Variants in MBTD1 observed in about 807,000 individuals in gnomAD.
MBTD1 encodes the protein MBT domain-containing protein 1.
MBTD1 carries 24 observed loss-of-function variants against 87.8 expected under a neutral mutation model. The observed-to-expected ratio is 0.27, with a 90% CI of 0.20 to 0.38. MBTD1 has a LOEUF of 0.38. Among genes scored for constraint, MBTD1 ranks in the 10% least tolerant of loss-of-function variants. The pLI is 1.00. For synonymous variants in MBTD1, 237 were observed against 248.6 expected (o/e 0.95, Z 0.44); for missense variants, 436 against 760.2 (o/e 0.57, Z 5.02).
rs1309611326 is a variant in MBTD1 at position 51,217,208 on chromosome 17, A to C, written c.486+126T>G. 8.8e-6 allele frequency: 5 copies of C among 565,230 alleles called. No individual in the cohort carries two copies. The Admixed American group carries it at 1.2e-4, about 13-fold the overall frequency. The allele number at this position is 565,230 out of a possible 1,614,324, so 35.0% of individuals were successfully genotyped here. The stretch of plus-strand genomic sequence containing the variant: ...CTATTATTAAGTATAATAATAAAAG[A>C]AGCATTTCAGTTACAAGACATAAAA... On this transcript the variant is annotated intron_variant, in intron 6 of 16. Coordinates refer to ENST00000586178, the MANE Select transcript of MBTD1 (RefSeq NM_017643.3).
chr17:51,179,488 A>ATATATATATATATATATATATTTATATT lies in MBTD1; in HGVS notation c.*1087_*1088insAATATAAATATATATATATATATATATA, dbSNP rs2050207626. The ATATATATATATATATATATATTTATATT allele has an allele frequency of 1.6e-4, 3 of 18,464 alleles. No homozygotes were observed. Among genetic ancestry groups the ATATATATATATATATATATATTTATATT allele is most frequent in the South Asian group, 2.2e-3 (1 of 464 alleles). 1.1% of individuals were successfully genotyped at this position (18,464 alleles called of 1,614,324 possible). A position where few individuals can be genotyped will look rare whatever the true frequency, so the allele number is the denominator to read the frequency against. On this transcript the variant is annotated 3_prime_UTR_variant, in exon 17 of 17. Coordinates refer to ENST00000586178, the MANE Select transcript of MBTD1 (RefSeq NM_017643.3). ...TGAATACAATTAAAGACAATTTTAT[A>ATATATATATATATATATATATTTATATT]TATATATATATATATATATATATAT...
intron 6 of MBTD1, among the ~76,000 whole-genome samples, chr17:51,208,419 G>T (rs868744821): frequency 1.3e-5 from 2 of 152,132 alleles, no homozygotes; most frequent in Admixed American, 6.5e-5. Context: ...TGAAAGACTG[G>T]ACTCTTCAGG....
intron 16 of MBTD1, chr17:51,183,715 AATG>A (rs1304060673): frequency 6.6e-6 from 1 of 152,218 alleles, no homozygotes; most frequent in Non-Finnish European, 1.5e-5. Context: ...TTTTATGAGG[AATG>A]ATATCAAATG....
In MBTD1 at chr17:51,197,099, T is replaced by G. The variant is rs1332922886; in HGVS notation, c.1225-1738A>C. On this transcript the variant is annotated intron_variant, in intron 12 of 16. Transcript: ENST00000586178. ...ATATATATATATATATATATATATA[T>G]ATATATATATATATATATGGAGGAC... Among the ~76,000 whole-genome samples the G allele has an allele frequency of 3.7e-3, 89 of 24,304 alleles. 8 individuals carry two copies. The highest frequency in any genetic ancestry group is 0.022 in the Middle Eastern group (1 of 46). The allele number at this position is 24,304 out of a possible 152,430, so 15.9% of individuals were successfully genotyped here. A position where few individuals can be genotyped will look rare whatever the true frequency, so the allele number is the denominator to read the frequency against.
At chr17:51,182,757 C>T (rs2050373977) in intron 16 of MBTD1, among the ~76,000 whole-genome samples, 1 of 152,064 alleles carries the variant, frequency 6.6e-6, no homozygotes, top group Non-Finnish European at 1.5e-5. Flanking sequence ...AGAGGATACA[C>T]ATATATGGGG....
intron 2 of MBTD1, among the ~76,000 whole-genome samples, chr17:51,241,801 A>G (rs79213343): frequency 6.6e-6 from 1 of 152,064 alleles, no homozygotes; most frequent in Non-Finnish European, 1.5e-5. Flanking sequence ...CCTGACTTCA[A>G]CTGATCTGCC....
intron 6 of MBTD1, among the ~76,000 whole-genome samples, chr17:51,212,581 C>G (rs1430670424): frequency 2.7e-5 from 4 of 150,588 alleles, no homozygotes; most frequent in African/African-American, 7.3e-5. Flanking sequence ...AATCTGAAGT[C>G]TGTAAATATA....
chr17:51,190,036 G>A (rs1048870118), intron 16 of MBTD1, among the ~76,000 whole-genome samples: 3 of 152,112 alleles, frequency 2.0e-5, no homozygotes, highest in African/African-American at 7.2e-5. Context: ...GTTTTGTGCT[G>A]GGAGAAAACT....
At chr17:51,240,073 G>A (rs373226183) in intron 2 of MBTD1, among the ~76,000 whole-genome samples, 1 of 151,962 alleles carries the variant, frequency 6.6e-6, no homozygotes, top group South Asian at 2.1e-4. Context: ...TTAAGAATGC[G>A]GTCCCTTTAA....
rs528682801 is a variant in MBTD1, at chr17:51,208,715, G to A, written c.487-1710C>T. On this transcript the variant is annotated intron_variant, in intron 6 of 16. Transcript: ENST00000586178. ...AGAGGCGTGCTTATGCTAATGAGCT[G>A]GGGGTCAGGTTGGCACACTGGTAAG... 2.0e-5 allele frequency among the ~76,000 whole-genome samples: 3 copies of A among 152,286 alleles called. No homozygotes were observed. In the South Asian group the frequency reaches 6.2e-4, roughly 32 times the overall value.
At chr17:51,255,485 T>C (rs557434203) in intron 2 of MBTD1, among the ~76,000 whole-genome samples, 94 of 152,226 alleles carry the variant, frequency 6.2e-4, no homozygotes, top group African/African-American at 2.2e-3. Flanking sequence ...CAAAGATGGG[T>C]TAAACACATA....
intron 2 of MBTD1, among the ~76,000 whole-genome samples, chr17:51,226,257 A>G (rs572415543): frequency 6.6e-6 from 1 of 151,328 alleles, no homozygotes; most frequent in Non-Finnish European, 1.5e-5. Context: ...CACTCCTATA[A>G]TCCCAGCACT....
At chr17:51,252,812 G>C (rs1456827669) in intron 2 of MBTD1, among the ~76,000 whole-genome samples, 2 of 152,082 alleles carry the variant, frequency 1.3e-5, no homozygotes, top group Non-Finnish European at 2.9e-5. Flanking sequence ...AATGTAGGGA[G>C]ATGGAATGAT....
At position 51,193,477 on chromosome 17, in the gene MBTD1, T is replaced by C; in HGVS notation, c.1406A>G (p.Tyr469Cys). 2.5e-6 allele frequency: 4 copies of C among 1,612,602 alleles called. No individual in the cohort carries two copies. Among genetic ancestry groups the C allele is most frequent in the Non-Finnish European group, 3.4e-6 (4 of 1,179,574 alleles). The change falls in exon 14 of 17, where the codon TAC becomes TGC. Residue 469 changes from tyrosine (Y) to cysteine (C), a missense_variant. Coordinates refer to ENST00000586178, the MANE Select transcript of MBTD1 (RefSeq NM_017643.3). ...YTKLPFKWFD[Y>C]LRETGSIAAP... ...TGCAATGGAGCCAGTTTCCCTGAGG[T>C]AGTCAAACCATTTAAAAGGAAGTTT...
intron 16 of MBTD1, among the ~76,000 whole-genome samples, chr17:51,191,337 C>T (rs1167475234): frequency 6.6e-6 from 1 of 151,080 alleles, no homozygotes; most frequent in Non-Finnish European, 1.5e-5. Context: ...TCTCGGCTCA[C>T]CTCAACCTCC....
intron 7 of MBTD1, among the ~76,000 whole-genome samples, chr17:51,204,274 T>C (rs2051672965): frequency 6.6e-6 from 1 of 152,050 alleles, no homozygotes; most frequent in Non-Finnish European, 1.5e-5. Flanking sequence ...TTTTCTTTTT[T>C]GAGATGGAGT....
chr17:51,198,673 A>G (rs535470658), intron 12 of MBTD1, among the ~76,000 whole-genome samples: 1 of 152,310 alleles, frequency 6.6e-6, no homozygotes, highest in South Asian at 2.1e-4. Flanking sequence ...CATGGGTGGG[A>G]TCTGGAACTG....
intron 2 of MBTD1, among the ~76,000 whole-genome samples, chr17:51,235,977 G>A (rs577193787): frequency 1.4e-4 from 22 of 152,122 alleles, no homozygotes; most frequent in African/African-American, 5.3e-4. Context: ...CAGAATAAGA[G>A]TCCATAAATA....
At chr17:51,239,573 C>T (rs1391333888) in intron 2 of MBTD1, among the ~76,000 whole-genome samples, 1 of 152,068 alleles carries the variant, frequency 6.6e-6, no homozygotes, top group Non-Finnish European at 1.5e-5. Context: ...GAAGTAGAAG[C>T]ATAGCTCAGG....
Sources: gnomAD v4.1 joint callset for allele counts (sites outside exome capture counted in the v4.1 genomes callset) on GRCh38, gnomAD v4.1.1 for gene constraint, MANE v1.5 for transcripts, NCBI Gene and HGNC (gene_info 2026-07-23, HGNC 2026-07-21) for gene names.